Variants in GNAI1 observed in about 807,000 individuals in gnomAD.
GNAI1 encodes G protein subunit alpha i1, also known as guanine nucleotide-binding protein G(i) subunit alpha-1.
GNAI1 carries 11 observed loss-of-function variants against 38.9 expected under a neutral mutation model. That is an observed-to-expected ratio of 0.28 (90% confidence interval 0.18 to 0.47). The LOEUF is 0.47. Among genes scored for constraint, GNAI1 ranks in the 20% least tolerant of loss-of-function variants. GNAI1 has a pLI of 0.99. For synonymous variants in GNAI1, 166 were observed against 145.1 expected (o/e 1.14, Z -1.04); for missense variants, 317 against 436.9 (o/e 0.73, Z 2.45).
chr7:80,196,964 A>G (rs1350223085), intron 3 of GNAI1, among the ~76,000 whole-genome samples: 1 of 151,970 alleles, frequency 6.6e-6, no homozygotes, highest in African/African-American at 2.4e-5. Flanking sequence ...AATCTCGAAT[A>G]CAGTACTTTT....
chr7:80,171,632 T>G (rs1038585209), intron 1 of GNAI1, among the ~76,000 whole-genome samples: 3 of 152,224 alleles, frequency 2.0e-5, no homozygotes, highest in Admixed American at 1.3e-4. Flanking sequence ...GAAACAATCC[T>G]ATTGACAGAT....
rs1246899146 is a variant in GNAI1, at chr7:80,217,481, T to C, written c.1053T>C (p.Cys351=). Residue 351 remains cysteine (C), a synonymous_variant, in exon 8 of 8, where the codon TGT becomes TGC. Transcript: ENST00000649796. ...DVIIKNNLKD[C]GLF Reference sequence around the variant, plus strand: ...TCATAAAAAATAATCTAAAAGATTGTGGTCTCTTTTAAGTTTTGCAGTTCA... The same window carrying C: ...TCATAAAAAATAATCTAAAAGATTGCGGTCTCTTTTAAGTTTTGCAGTTCA... 4 of 1,596,038 alleles carry C rather than the reference T, an allele frequency of 2.5e-6. No individual in the cohort carries two copies. Among genetic ancestry groups the C allele is most frequent in the Non-Finnish European group, 3.4e-6 (4 of 1,171,366 alleles).
chr7:80,217,235 T>TGACTTCAGTTTCATATGGATGAAACG, intron 7 of GNAI1, 68 bp from the exon 8 acceptor site: 1 of 1,041,126 alleles, frequency 9.6e-7, no homozygotes. Context: ...TGTATGAAAC[T>TGACTTCAGTTTCATATGGATGAAACG]GAATTCAGTA....
chr7:80,203,027 T>C (rs1227761844), intron 4 of GNAI1, among the ~76,000 whole-genome samples: 1 of 152,228 alleles, frequency 6.6e-6, no homozygotes, highest in Non-Finnish European at 1.5e-5. Context: ...TTACTGACTA[T>C]ACCATATAAT....
intron 1 of GNAI1, among the ~76,000 whole-genome samples, chr7:80,164,175 G>C (rs1485896622): frequency 6.7e-6 from 1 of 149,238 alleles, no homozygotes; most frequent in African/African-American, 2.5e-5. Flanking sequence ...CTCCCAAGTA[G>C]CTGGGACTAC....
rs1789103140 is a variant in GNAI1, at chr7:80,222,877, AT to A, written c.*5388del. 6.6e-6 allele frequency among the ~76,000 whole-genome samples: 1 copy of A among 152,144 alleles called. No homozygotes were observed. Among genetic ancestry groups the A allele is most frequent in the Non-Finnish European group, 1.5e-5 (1 of 68,026 alleles). On this transcript the variant is annotated 3_prime_UTR_variant, in exon 8 of 8. Coordinates refer to ENST00000649796, the MANE Select transcript of GNAI1 (RefSeq NM_002069.6). ...GCCCACTGTAAGTTGATAATACCTT[AT>A]TTTGAAAATGCATTTAATACACCTA...
intron 1 of GNAI1, among the ~76,000 whole-genome samples, chr7:80,168,451 G>T (rs1264283228): frequency 6.6e-6 from 1 of 151,960 alleles, no homozygotes; most frequent in Non-Finnish European, 1.5e-5. Flanking sequence ...GCAGTGGCAC[G>T]ATCTCGGCTC....
chr7:80,211,564 A>G (rs1385042818), intron 6 of GNAI1, among the ~76,000 whole-genome samples: 1 of 151,828 alleles, frequency 6.6e-6, no homozygotes, highest in East Asian at 1.9e-4. Flanking sequence ...GATTACAGGC[A>G]CGTGCCACCA....
chr7:80,217,633 T>C lies in GNAI1; in HGVS notation c.*140T>C, dbSNP rs964947539. 2 of 488,846 alleles carry C rather than the reference T, an allele frequency of 4.1e-6. No individual in the cohort carries two copies. The highest frequency in any genetic ancestry group is 7.2e-6 in the Non-Finnish European group (2 of 278,602). 30.3% of individuals were successfully genotyped at this position (488,846 alleles called of 1,614,324 possible). A position where few individuals can be genotyped will look rare whatever the true frequency, so the allele number is the denominator to read the frequency against. ...GGACTTGACCAAAGTTGTTCTGTTT[T>C]GTTTTTTTAACTGAAAGTAACAGAA... On this transcript the variant is annotated 3_prime_UTR_variant, in exon 8 of 8. Transcript: ENST00000649796.
chr7:80,157,766 G>A (rs1309970669), intron 1 of GNAI1, among the ~76,000 whole-genome samples: 1 of 152,078 alleles, frequency 6.6e-6, no homozygotes, highest in Middle Eastern at 3.2e-3. Context: ...AAATGCAGTG[G>A]CATGATCTTA....
chr7:80,137,289 T>G, intron 1 of GNAI1, among the ~76,000 whole-genome samples: 1 of 105,996 alleles, frequency 9.4e-6, no homozygotes, highest in African/African-American at 3.4e-5. Context: ...TCTTTTTCTT[T>G]TTTCTTTTTT....
chr7:80,148,235 T>C (rs867656743), intron 1 of GNAI1, among the ~76,000 whole-genome samples: 27 of 152,330 alleles, frequency 1.8e-4, no homozygotes, highest in African/African-American at 6.3e-4. Context: ...TAATTTATAC[T>C]GTGCACATGG....
chr7:80,136,520 C>T (rs1787419504), intron 1 of GNAI1, among the ~76,000 whole-genome samples: 1 of 152,148 alleles, frequency 6.6e-6, no homozygotes, highest in Non-Finnish European at 1.5e-5. Flanking sequence ...TGCAAGTAAA[C>T]TGTGAAATAA....
intron 1 of GNAI1, among the ~76,000 whole-genome samples, chr7:80,140,890 T>A (rs1013676603): frequency 6.6e-6 from 1 of 152,160 alleles, no homozygotes; most frequent in South Asian, 2.1e-4. Context: ...TAGAGGAGAA[T>A]CCATTCCCTT....
At chr7:80,185,450 C>T (rs1788370453) in intron 1 of GNAI1, among the ~76,000 whole-genome samples, 1 of 152,150 alleles carries the variant, frequency 6.6e-6, no homozygotes, top group Admixed American at 6.6e-5. Context: ...AAGACCCTCA[C>T]AGAAGAACCG....
intron 1 of GNAI1, among the ~76,000 whole-genome samples, chr7:80,155,502 G>T (rs1367299893): frequency 6.6e-6 from 1 of 152,104 alleles, no homozygotes; most frequent in Admixed American, 6.5e-5. Context: ...ATTCTGAAAT[G>T]ATTTCATCAG....
At chr7:80,209,831 G>A (rs1788843850) in intron 5 of GNAI1, among the ~76,000 whole-genome samples, 1 of 152,092 alleles carries the variant, frequency 6.6e-6, no homozygotes, top group African/African-American at 2.4e-5. Context: ...GTTATTACCA[G>A]CTATGTTTTT....
chr7:80,158,474 G>C (rs1421548405), intron 1 of GNAI1, among the ~76,000 whole-genome samples: 1 of 152,064 alleles, frequency 6.6e-6, no homozygotes, highest in Non-Finnish European at 1.5e-5. Flanking sequence ...TCAACCATAG[G>C]GGTTGTTACC....
At chr7:80,173,780 A>T (rs890295887) in intron 1 of GNAI1, among the ~76,000 whole-genome samples, 6 of 152,126 alleles carry the variant, frequency 3.9e-5, no homozygotes, top group African/African-American at 1.4e-4. Context: ...TACCTGCTTG[A>T]GTTCCCTCTA....
Sources: gnomAD v4.1 joint callset for allele counts (sites outside exome capture counted in the v4.1 genomes callset) on GRCh38, gnomAD v4.1.1 for gene constraint, MANE v1.5 for transcripts, NCBI Gene and HGNC (gene_info 2026-07-23, HGNC 2026-07-21) for gene names.